The following ARHGAP20 variants were observed in gnomAD, a reference collection of about 807,000 sequenced individuals.
ARHGAP20 encodes the protein rho GTPase-activating protein 20.
ARHGAP20 carries 34 observed loss-of-function variants against 73.7 expected under a neutral mutation model. The observed-to-expected ratio is 0.46, with a 90% CI of 0.35 to 0.61. The LOEUF (loss-of-function observed/expected upper bound fraction) is 0.61. Ranked by LOEUF, ARHGAP20 falls within the 20% of genes least tolerant of loss-of-function variation. The pLI, the probability that ARHGAP20 is intolerant of heterozygous loss-of-function variation, is 0.00. For synonymous variants in ARHGAP20, 523 were observed against 518.2 expected (o/e 1.01, Z -0.13); for missense variants, 1,314 against 1,420.9 (o/e 0.92, Z 1.21).
intron 9 of ARHGAP20, among the ~76,000 whole-genome samples, chr11:110,600,959 G>T (rs1047939105): frequency 1.3e-5 from 2 of 152,204 alleles, no homozygotes; most frequent in Non-Finnish European, 2.9e-5. Context: ...GATTGGCAAT[G>T]ACTATCTCAC....
rs1293252755 is a variant in ARHGAP20, at chr11:110,712,392, C to T, written c.-161G>A. On this transcript the variant is annotated 5_prime_UTR_variant, in exon 1 of 15. An upstream start codon of the reference 5' UTR is lost. Transcript: ENST00000683387. ...CTCGCCGCGCGCCTCCCGTCGGGGC[C>T]ATGTACCTCCGCCTGCGCTCGACAC... 19 of 417,286 alleles carry T rather than the reference C, an allele frequency of 4.6e-5. No homozygotes were observed. 25.8% of individuals were successfully genotyped at this position (417,286 alleles called of 1,614,324 possible).
intron 1 of ARHGAP20, among the ~76,000 whole-genome samples, chr11:110,698,595 A>G (rs978685933): frequency 1.2e-4 from 18 of 151,680 alleles, no homozygotes; most frequent in Non-Finnish European, 1.8e-4. Context: ...CAATTTCATT[A>G]CTCATTATTG....
At position 110,611,380 on chromosome 11, in the gene ARHGAP20, T is replaced by A; in HGVS notation, c.637A>T (p.Thr213Ser). 1 of 1,486,634 alleles carries A rather than the reference T, an allele frequency of 6.7e-7. No homozygotes were observed. Among genetic ancestry groups the A allele is most frequent in the South Asian group, 1.3e-5 (1 of 75,232 alleles). 92.1% of individuals were successfully genotyped at this position (1,486,634 alleles called of 1,614,324 possible). A position where few individuals can be genotyped will look rare whatever the true frequency, so the allele number is the denominator to read the frequency against. ...KDIGNCAYSK[T>S]ITVMNSDTAN... ...GTATCTGAATTCATTACTGTTATAG[T>A]TTTAGACTGTAGAAAAAAAATAAGA... is the stretch of plus-strand genomic sequence containing the variant. The change falls in exon 7 of 15, where the codon ACT (threonine) becomes TCT (serine). Residue 213 changes from threonine (T) to serine (S), a missense_variant. Thr to Ser is a moderately conservative substitution (Grantham distance 58). Around this residue, in one of 3 missense-constraint regions of ARHGAP20, gnomAD observed 443 missense variants for 466.4 expected, o/e 0.95. Transcript: ENST00000683387.
intron 2 of ARHGAP20, among the ~76,000 whole-genome samples, chr11:110,634,686 T>C (rs1948927602): frequency 6.6e-6 from 1 of 152,140 alleles, no homozygotes; most frequent in Non-Finnish European, 1.5e-5. Context: ...GGACTAGGAC[T>C]AGAAGATCTT....
intron 4 of ARHGAP20, among the ~76,000 whole-genome samples, chr11:110,623,183 C>A (rs978152253): frequency 6.6e-6 from 1 of 152,096 alleles, no homozygotes; most frequent in Non-Finnish European, 1.5e-5. Flanking sequence ...TAATGACATG[C>A]CTATCTTTTA....
intron 2 of ARHGAP20, among the ~76,000 whole-genome samples, chr11:110,631,980 T>C (rs1226764847): frequency 6.6e-6 from 1 of 152,232 alleles, no homozygotes; most frequent in Non-Finnish European, 1.5e-5. Flanking sequence ...TATTACTTCC[T>C]CATCATATTT....
intron 6 of ARHGAP20, 47 bp from the exon 7 acceptor site, chr11:110,611,433 A>C (rs1236472724): frequency 2.0e-6 from 2 of 997,156 alleles, no homozygotes; most frequent in Admixed American, 5.4e-5. Context: ...ATGAATTTTA[A>C]AACAGGTTAA....
intron 2 of ARHGAP20, among the ~76,000 whole-genome samples, chr11:110,637,001 G>GAAA (rs1948981832): frequency 6.6e-6 from 1 of 151,924 alleles, no homozygotes; most frequent in African/African-American, 2.4e-5. Flanking sequence ...CAGAGTCTAG[G>GAAA]AATTCACCTG....
At chr11:110,606,396 C>T (rs1479383241) in intron 9 of ARHGAP20, among the ~76,000 whole-genome samples, 165 bp downstream of exon 9, 1 of 152,174 alleles carries the variant, frequency 6.6e-6, no homozygotes, top group Non-Finnish European at 1.5e-5. Context: ...TCAATCATGC[C>T]TATTGCTGAT....
intron 1 of ARHGAP20, among the ~76,000 whole-genome samples, chr11:110,710,793 T>C (rs1320219135): frequency 3.3e-5 from 5 of 152,144 alleles, no homozygotes; most frequent in Non-Finnish European, 5.9e-5. Context: ...ACCGATCACC[T>C]CTCTTCAACT....
In ARHGAP20 at chr11:110,657,417, T is replaced by TA. The variant is rs111990453; in HGVS notation, c.189-26626dup. Among the ~76,000 whole-genome samples the TA allele has an allele frequency of 5.3e-5, 8 of 151,708 alleles. No homozygotes were observed. The East Asian group carries it at 1.2e-3, about 22-fold the overall frequency. ...GTGGTGAAGGAGATATAGTTTACAT[T>TA]AAAAAAAACATAATGGGAATTTAGT... On this transcript the variant is annotated intron_variant, in intron 2 of 14. Coordinates refer to ENST00000683387, the MANE Select transcript of ARHGAP20 (RefSeq NM_001384657.1).
intron 1 of ARHGAP20, among the ~76,000 whole-genome samples, chr11:110,700,846 T>C (rs1950434465): frequency 6.6e-6 from 1 of 151,094 alleles, no homozygotes; most frequent in South Asian, 2.1e-4. Flanking sequence ...GGTGTTTGGT[T>C]TTTTGTTCTT....
At chr11:110,592,196 C>A in intron 9 of ARHGAP20, 41 bp from the exon 10 acceptor site, 1 of 1,549,900 alleles carries the variant, frequency 6.5e-7, no homozygotes, top group South Asian at 1.2e-5. Flanking sequence ...GAGTTTCATT[C>A]ACTTAATCTT....
intron 2 of ARHGAP20, among the ~76,000 whole-genome samples, chr11:110,671,865 G>C (rs114851965): frequency 6.6e-6 from 1 of 152,062 alleles, no homozygotes. Context: ...TTCTACAAAG[G>C]TTCCAGAGTG....
At chr11:110,685,918 G>A (rs1348609865) in intron 2 of ARHGAP20, among the ~76,000 whole-genome samples, 2 of 151,848 alleles carry the variant, frequency 1.3e-5, no homozygotes, top group Non-Finnish European at 2.9e-5. Context: ...AGATAGAAAC[G>A]ATTTTGGGGG....
intron 3 of ARHGAP20, 136 bp downstream of exon 3, chr11:110,630,492 G>T: frequency 1.1e-6 from 1 of 893,988 alleles, no homozygotes; most frequent in Non-Finnish European, 1.7e-6. Flanking sequence ...TGCAATGAAG[G>T]GCATAAAATC....
intron 10 of ARHGAP20, among the ~76,000 whole-genome samples, chr11:110,591,043 C>G (rs1387387281): frequency 1.3e-5 from 2 of 151,982 alleles, no homozygotes; most frequent in Non-Finnish European, 2.9e-5. Context: ...TCAAAGGATA[C>G]AAAATTTCAG....
chr11:110,692,902 G>C (rs1358339151), intron 1 of ARHGAP20, among the ~76,000 whole-genome samples: 1 of 151,938 alleles, frequency 6.6e-6, no homozygotes, highest in Non-Finnish European at 1.5e-5. Flanking sequence ...TAAAAGTTGT[G>C]AACTAAATTT....
intron 2 of ARHGAP20, among the ~76,000 whole-genome samples, chr11:110,660,172 T>C (rs974614297): frequency 6.6e-6 from 1 of 152,096 alleles, no homozygotes; most frequent in Admixed American, 6.5e-5. Context: ...GGTTCTACTC[T>C]TGGAATTTTT....
Sources: allele counts gnomAD v4.1 joint callset (sites outside exome capture counted in the v4.1 genomes callset), GRCh38; gene constraint gnomAD v4.1.1; regional missense constraint gnomAD v4.1.1; transcripts MANE v1.5; gene names NCBI Gene and HGNC (gene_info 2026-07-23, HGNC 2026-07-21).